Variants in DGLUCY observed in about 807,000 individuals in gnomAD.
The protein encoded by DGLUCY is D-glutamate cyclase, also known as D-glutamate cyclase, mitochondrial.
A neutral mutation model predicts 58.5 loss-of-function variants in DGLUCY; 58 were observed. That is an observed-to-expected ratio of 0.99 (90% CI 0.80 to 1.23). DGLUCY has a LOEUF of 1.23. Among genes scored for constraint, DGLUCY ranks in the 50% most tolerant of loss-of-function variants. DGLUCY has a pLI of 0.00. For synonymous variants in DGLUCY, 325 were observed against 314.1 expected, an observed-to-expected ratio of 1.03 and a Z score of -0.37; for missense variants, 779 against 784.7, an observed-to-expected ratio of 0.99 and a Z score of 0.09.
intron 1 of DGLUCY, among the ~76,000 whole-genome samples, chr14:91,118,488 T>C (rs547547834): frequency 6.6e-6 from 1 of 152,154 alleles, no homozygotes; most frequent in Non-Finnish European, 1.5e-5. Flanking sequence ...CAAAAAGCAG[T>C]TTCAAAATAT....
upstream of DGLUCY, among the ~76,000 whole-genome samples, chr14:91,112,525 G>T (rs2044722855): frequency 6.6e-6 from 1 of 152,148 alleles, no homozygotes. Flanking sequence ...CTGGGTGGGT[G>T]AGGCTGCATG....
chr14:91,062,838 C>A (rs2043755765), intron 1 of DGLUCY, among the ~76,000 whole-genome samples: 1 of 151,886 alleles, frequency 6.6e-6, no homozygotes, highest in African/African-American at 2.4e-5. Context: ...CTGCAAAAGT[C>A]ATGTGCTATT....
intron 8 of DGLUCY, among the ~76,000 whole-genome samples, chr14:91,181,660 TTTC>T (rs2049177246): frequency 1.3e-5 from 2 of 149,132 alleles, no homozygotes; most frequent in Non-Finnish European, 3.0e-5. Context: ...TTTTGTTTTC[TTTC>T]TTTTCTTTCT....
chr14:91,099,060 T>A (rs1476848898), intron 1 of DGLUCY, among the ~76,000 whole-genome samples: 1 of 152,078 alleles, frequency 6.6e-6, no homozygotes, highest in Non-Finnish European at 1.5e-5. Context: ...TGGGATACAG[T>A]GTAAGGAGAA....
At chr14:91,159,874 A>G (rs981253270) in intron 2 of DGLUCY, among the ~76,000 whole-genome samples, 2 of 152,182 alleles carry the variant, frequency 1.3e-5, no homozygotes, top group Non-Finnish European at 2.9e-5. Flanking sequence ...GAAGTCTCAC[A>G]TGTGTCCCTG....
chr14:91,172,208 C>G, intron 5 of DGLUCY, among the ~76,000 whole-genome samples: 1 of 152,096 alleles, frequency 6.6e-6, no homozygotes. Flanking sequence ...GTAGCTGGGA[C>G]CATAGGCATG....
At chr14:91,115,996 C>T (rs1595667551) in intron 1 of DGLUCY, among the ~76,000 whole-genome samples, 1 of 152,128 alleles carries the variant, frequency 6.6e-6, no homozygotes, top group Non-Finnish European at 1.5e-5. Context: ...GATTGCTGCT[C>T]CTTCTGGTTT....
chr14:91,196,466 G>T lies in DGLUCY; in HGVS notation c.1287G>T (p.Gln429His), dbSNP rs1288974891. 2 of 1,613,798 alleles carry T rather than the reference G, an allele frequency of 1.2e-6. No homozygotes were observed. Among genetic ancestry groups the T allele is most frequent in the African/African-American group, 2.7e-5 (2 of 74,912 alleles). The change falls in exon 10 of 14, where the codon CAG becomes CAT. Residue 429 changes from glutamine (Q) to histidine (H), a missense_variant. Physicochemically the swap from Gln to His is conservative, Grantham distance 24 (BLOSUM62 0). Coordinates refer to ENST00000256324, the MANE Select transcript of DGLUCY (RefSeq NM_001102368.3). ...QAFLCKNGDP[Q>H]TPRFDHLVAI... is the part of the protein sequence containing the mutation. Reference sequence around the variant, plus strand: ...TCCTGTGCAAAAATGGGGACCCGCAGACACCTAGGTACGTATGTCGCATCC... The same window carrying T: ...TCCTGTGCAAAAATGGGGACCCGCATACACCTAGGTACGTATGTCGCATCC...
intron 1 of DGLUCY, among the ~76,000 whole-genome samples, chr14:91,071,482 A>C (rs2043918061): frequency 1.3e-5 from 2 of 152,174 alleles, no homozygotes; most frequent in South Asian, 4.1e-4. Context: ...GAAATCAAGG[A>C]AGGAATTGAG....
At chr14:91,168,948 A>C (rs1220851317) in intron 4 of DGLUCY, among the ~76,000 whole-genome samples, 1 of 152,046 alleles carries the variant, frequency 6.6e-6, no homozygotes, top group Non-Finnish European at 1.5e-5. Flanking sequence ...TTAGCCGGGC[A>C]TGGTGGTTCG....
chr14:91,205,806 T>TCTCCTCCTCCTCCTC (rs146159847), intron 12 of DGLUCY, among the ~76,000 whole-genome samples: 1 of 131,882 alleles, frequency 7.6e-6, no homozygotes, highest in Non-Finnish European at 1.6e-5. Flanking sequence ...TCCGTCTCCT[T>TCTCCTCCTCCTCCTC]CTCCTCCTCC....
At chr14:91,133,411 C>T (rs1222873850) in intron 1 of DGLUCY, among the ~76,000 whole-genome samples, 1 of 152,186 alleles carries the variant, frequency 6.6e-6, no homozygotes, top group Non-Finnish European at 1.5e-5. Context: ...ACATTGGCTT[C>T]CACCTTTTGG....
Position 91,224,901 on chromosome 14 carries a change from G to A in DGLUCY, c.*68G>A, listed in dbSNP as rs1358184209. 2.7e-6 allele frequency: 4 copies of A among 1,461,612 alleles called. No homozygotes were observed. In the African/African-American group the frequency reaches 4.2e-5, roughly 15 times the overall value. The allele number at this position is 1,461,612 out of a possible 1,614,324, so 90.5% of individuals were successfully genotyped here. A position where few individuals can be genotyped will look rare whatever the true frequency, so the allele number is the denominator to read the frequency against. On this transcript the variant is annotated 3_prime_UTR_variant, in exon 14 of 14. Coordinates refer to ENST00000256324, the MANE Select transcript of DGLUCY (RefSeq NM_001102368.3). ...GTCTGCATCCGGGGAGAATGCAGCT[G>A]CTTCTGGCGACAATCCTGCTAGTAA...
chr14:91,135,140 T>A (rs1595722520), intron 1 of DGLUCY, among the ~76,000 whole-genome samples: 1 of 151,776 alleles, frequency 6.6e-6, no homozygotes, highest in Non-Finnish European at 1.5e-5. Flanking sequence ...TCTAGGCTGG[T>A]CTTGAGAACT....
At chr14:91,173,510 C>T in intron 6 of DGLUCY, 71 bp downstream of exon 6, 7 of 1,477,226 alleles carry the variant, frequency 4.7e-6, no homozygotes, top group Non-Finnish European at 6.3e-6. Flanking sequence ...TCTCTCGCTC[C>T]TGCCCATGAT....
At chr14:91,068,219 G>A (rs1352341036) in intron 1 of DGLUCY, among the ~76,000 whole-genome samples, 4 of 152,116 alleles carry the variant, frequency 2.6e-5, no homozygotes, top group African/African-American at 7.2e-5. Context: ...TTCTAGCTTA[G>A]CAACCTTCCT....
At chr14:91,101,235 G>C (rs2044481556) in intron 1 of DGLUCY, among the ~76,000 whole-genome samples, 1 of 152,146 alleles carries the variant, frequency 6.6e-6, no homozygotes, top group Non-Finnish European at 1.5e-5. Context: ...AGATTCTATA[G>C]CTTATTCATC....
chr14:91,092,574 G>C (rs970077669), intron 1 of DGLUCY, among the ~76,000 whole-genome samples: 1 of 152,202 alleles, frequency 6.6e-6, no homozygotes, highest in Non-Finnish European at 1.5e-5. Context: ...AGAAACAGTA[G>C]TGCCTGTATG....
At chr14:91,148,684 G>C (rs2047143632) in intron 1 of DGLUCY, 1 of 151,764 alleles carries the variant, frequency 6.6e-6, no homozygotes, top group South Asian at 2.1e-4. Context: ...AGTGGCTCAT[G>C]CCTGTAACCC....
Sources: gnomAD v4.1 joint callset for allele counts (sites outside exome capture counted in the v4.1 genomes callset) on GRCh38, gnomAD v4.1.1 for gene constraint, MANE v1.5 for transcripts, NCBI Gene and HGNC (gene_info 2026-07-23, HGNC 2026-07-21) for gene names.